Variants in SLC35F5 observed in about 807,000 individuals in gnomAD.
SLC35F5 encodes solute carrier family 35 member F5.
A neutral mutation model predicts 68.6 loss-of-function variants in SLC35F5; 54 were observed. That is an observed-to-expected ratio of 0.79 (90% CI 0.63 to 0.99). The LOEUF is 0.99. Among genes scored for constraint, SLC35F5 ranks in the 50% least tolerant of loss-of-function variants. The pLI, the probability that SLC35F5 is intolerant of heterozygous loss-of-function variation, is 0.00. For synonymous variants in SLC35F5, 211 were observed against 205.2 expected (o/e 1.03, Z -0.24); for missense variants, 567 against 626.9 (o/e 0.90, Z 1.02).
At chr2:113,735,259 G>A (rs1043387096) in intron 8 of SLC35F5, among the ~76,000 whole-genome samples, 19 of 152,198 alleles carry the variant, frequency 1.2e-4, no homozygotes, top group Non-Finnish European at 2.1e-4. Flanking sequence ...AAATAGCACA[G>A]GCTAAGGCAT....
rs529241884 is a variant in SLC35F5, at chr2:113,711,593, C to T, written c.*3625G>A. Among the ~76,000 whole-genome samples, 5 of 152,194 alleles carry T rather than the reference C, an allele frequency of 3.3e-5. No individual in the cohort carries two copies. Among genetic ancestry groups the T allele is most frequent in the African/African-American group, 4.8e-5 (2 of 41,538 alleles). On this transcript the variant is annotated 3_prime_UTR_variant, in exon 16 of 16. Coordinates refer to ENST00000245680, the MANE Select transcript of SLC35F5 (RefSeq NM_025181.5). ...TTATCTAAATGGGATTTGGGGGACA[C>T]GGCAGACTATTAAAATAGAACTCAA...
downstream of SLC35F5, chr2:113,704,031 G>A (rs1686747198): frequency 6.6e-6 from 1 of 152,440 alleles, no homozygotes; most frequent in African/African-American, 2.4e-5. Context: ...CGCCGGCTCA[G>A]GAGTGAAGCT....
At chr2:113,756,084 TG>T in intron 1 of SLC35F5, 1 of 1,451,954 alleles carries the variant, frequency 6.9e-7, no homozygotes, top group South Asian at 1.5e-5. Flanking sequence ...AAGAAACAGC[TG>T]GGAAAAGAAA....
chr2:113,729,407 A>G lies in SLC35F5; in HGVS notation c.1084T>C (p.Phe362Leu). The G allele has an allele frequency of 6.8e-7, 1 of 1,473,924 alleles. No individual in the cohort carries two copies. Among genetic ancestry groups the G allele is most frequent in the Non-Finnish European group, 9.4e-7 (1 of 1,063,158 alleles). 91.3% of individuals were successfully genotyped at this position (1,473,924 alleles called of 1,614,324 possible). Residue 362 changes from phenylalanine (F) to leucine (L), a missense_variant, in exon 11 of 16, where the codon TTC becomes CTC. Phe to Leu is a conservative substitution (Grantham distance 22, BLOSUM62 0). Transcript: ENST00000245680. ...DREDKLDIPM[F>L]FGFVGLFNLL... ...AAGTTACATATATTCTTACCAAAGA[A>G]CATTGGAATATCCAACTTGTCTTCT...
At chr2:113,733,969 C>T (rs1687991277) in intron 9 of SLC35F5, among the ~76,000 whole-genome samples, 1 of 152,194 alleles carries the variant, frequency 6.6e-6, no homozygotes, top group African/African-American at 2.4e-5. Context: ...GGGCAAAGCC[C>T]TATGCTAGGT....
intron 6 of SLC35F5, among the ~76,000 whole-genome samples, 162 bp downstream of exon 6, chr2:113,743,551 A>G (rs1446385290): frequency 6.6e-6 from 1 of 152,218 alleles, no homozygotes. Flanking sequence ...TGATTATACT[A>G]TATTAGATTC....
At chr2:113,727,740 C>T (rs1687720579) in intron 11 of SLC35F5, among the ~76,000 whole-genome samples, 2 of 152,076 alleles carry the variant, frequency 1.3e-5, no homozygotes, top group African/African-American at 4.8e-5. Flanking sequence ...CCTGTCTATT[C>T]TAAAGCCCAG....
At chr2:113,739,246 C>A (rs552106901) in intron 7 of SLC35F5, among the ~76,000 whole-genome samples, 10 of 152,328 alleles carry the variant, frequency 6.6e-5, no homozygotes, top group African/African-American at 2.4e-4. Flanking sequence ...AACCTACACA[C>A]ATCCTCCCAT....
At chr2:113,744,512 G>A (rs747379199) in intron 5 of SLC35F5, among the ~76,000 whole-genome samples, 3 of 152,112 alleles carry the variant, frequency 2.0e-5, no homozygotes, top group Non-Finnish European at 2.9e-5. Context: ...TTTGGGAGGC[G>A]AGGCTGAGGC....
chr2:113,729,548 A>C, intron 10 of SLC35F5, 43 bp from the exon 11 acceptor site: 13 of 1,019,898 alleles, frequency 1.3e-5, no homozygotes, highest in Non-Finnish European at 2.0e-5. Flanking sequence ...TCATTAGCTC[A>C]TTCAATATAC....
At chr2:113,748,043 G>A (rs563967629) in intron 4 of SLC35F5, among the ~76,000 whole-genome samples, 8 of 152,296 alleles carry the variant, frequency 5.3e-5, no homozygotes, top group Admixed American at 1.3e-4. Context: ...AGTGAGCTGA[G>A]ATCGCGCCAC....
In SLC35F5 at chr2:113,712,101, C is replaced by T. The variant is rs1044738175; in HGVS notation, c.*3117G>A. ...GGCTGTGTACCTTTGAGAACATTCA[C>T]ATTTAACCTTGTGAGCTCACTTCTA... On this transcript the variant is annotated 3_prime_UTR_variant, in exon 16 of 16. Coordinates refer to ENST00000245680, the MANE Select transcript of SLC35F5 (RefSeq NM_025181.5). 6.6e-6 allele frequency among the ~76,000 whole-genome samples: 1 copy of T among 152,202 alleles called. No homozygotes were observed. Among genetic ancestry groups the T allele is most frequent in the African/African-American group, 2.4e-5 (1 of 41,460 alleles).
chr2:113,702,969 G>A (rs1686725092), downstream of SLC35F5, among the ~76,000 whole-genome samples: 1 of 152,020 alleles, frequency 6.6e-6, no homozygotes. Context: ...ACTTAGCCAG[G>A]CTTGTTGGTG....
In SLC35F5 at chr2:113,722,111, A is replaced by C. The variant is rs975658509; in HGVS notation, c.1341+993T>G. ...TGCCTCAGCCTCCCAAGTAGCTGGGATTACAGGTGCACGCCATCACACCCA... is the reference window on the plus strand; with the variant it reads ...TGCCTCAGCCTCCCAAGTAGCTGGGCTTACAGGTGCACGCCATCACACCCA... On this transcript the variant is annotated intron_variant, in intron 13 of 15. Transcript: ENST00000245680. Among the ~76,000 whole-genome samples the C allele has an allele frequency of 2.0e-5, 3 of 150,838 alleles. No individual in the cohort carries two copies. The East Asian group carries it at 5.9e-4, about 30-fold the overall frequency.
In SLC35F5 at chr2:113,731,736, C is replaced by T. The variant is rs1400139637; in HGVS notation, c.921-88G>A. On this transcript the variant is annotated intron_variant, in intron 9 of 15. Transcript: ENST00000245680. ...AAAAATTATTTATAAGTGATCAAGA[C>T]TAATCTCAACTTTGGGTAAAACTAT... 9 of 990,628 alleles carry T rather than the reference C, an allele frequency of 9.1e-6. No individual in the cohort carries two copies. The East Asian group carries it at 1.4e-4, about 16-fold the overall frequency. The allele number at this position is 990,628 out of a possible 1,614,324, so 61.4% of individuals were successfully genotyped here. A position where few individuals can be genotyped will look rare whatever the true frequency, so the allele number is the denominator to read the frequency against.
chr2:113,729,764 A>G (rs1687812029), intron 10 of SLC35F5, among the ~76,000 whole-genome samples: 1 of 151,276 alleles, frequency 6.6e-6, no homozygotes, highest in South Asian at 2.1e-4. Context: ...TGATTCGACC[A>G]AAACCTATAC....
chr2:113,729,371 A>C (rs1687795084), intron 11 of SLC35F5, 30 bp downstream of exon 11: 2 of 1,180,344 alleles, frequency 1.7e-6, no homozygotes. Flanking sequence ...ATTTAGAGTA[A>C]ATAGCCTCCC....
Position 113,734,618 on chromosome 2 carries a change from A to C in SLC35F5, c.888T>G (p.Phe296Leu). The C allele has an allele frequency of 6.2e-7, 1 of 1,604,870 alleles. No homozygotes were observed. Among genetic ancestry groups the C allele is most frequent in the Non-Finnish European group, 8.5e-7 (1 of 1,172,590 alleles). Residue 296 changes from phenylalanine (F) to leucine (L), a missense_variant, in exon 9 of 16, where the codon TTT becomes TTG. Coordinates refer to ENST00000245680, the MANE Select transcript of SLC35F5 (RefSeq NM_025181.5). ...TTACAGCTAATAGTTTAGAAAGGGT[A>C]AATCTATCTCCACTGTTACTTGGAA... is the stretch of plus-strand genomic sequence containing the variant. Reference protein sequence around the residue: ...AVFPSNSGDRFTLSKLLAVIL... With the variant: ...AVFPSNSGDRLTLSKLLAVIL...
chr2:113,706,392 G>A (rs1686799595), downstream of SLC35F5, among the ~76,000 whole-genome samples: 3 of 152,182 alleles, frequency 2.0e-5, no homozygotes, highest in South Asian at 6.2e-4. Flanking sequence ...CTGGCCTTGA[G>A]CTTTATGACG....
Sources: allele counts gnomAD v4.1 joint callset (sites outside exome capture counted in the v4.1 genomes callset), GRCh38; gene constraint gnomAD v4.1.1; transcripts MANE v1.5; gene names NCBI Gene and HGNC (gene_info 2026-07-23, HGNC 2026-07-21).